LOC400499: variants seen among roughly 807,000 people sequenced by gnomAD.
chr16:11,456,867 T>C, the LOC400499 span: 1 of 1,536,256 alleles, frequency 6.5e-7, no homozygotes, highest in Non-Finnish European at 8.7e-7. Context: ...ACCTTCCCAC[T>C]TCCACAGGGT....
chr16:11,443,298 T>C, the LOC400499 span: 1 of 340,126 alleles, frequency 2.9e-6, no homozygotes, highest in South Asian at 2.1e-5. Flanking sequence ...CACCCTAGCC[T>C]GGGCAACAGA....
At chr16:11,447,059 C>A in the LOC400499 span, 32 of 957,660 alleles carry the variant, frequency 3.3e-5, no homozygotes, top group South Asian at 3.5e-4. Flanking sequence ...GGACACCTGG[C>A]AGCCCTATGC....
chr16:11,421,206 C>T, the LOC400499 span, among the ~76,000 whole-genome samples: 12 of 152,132 alleles, frequency 7.9e-5, no homozygotes, highest in Admixed American at 5.2e-4. Flanking sequence ...ATCCACAGAG[C>T]GCTTCCCTGC....
the LOC400499 span, chr16:11,399,200 G>GC: frequency 1.0e-6 from 1 of 985,048 alleles, no homozygotes. Flanking sequence ...CTCCCGAGAA[G>GC]CCCCCTAGCA....
chr16:11,439,928 A>G, the LOC400499 span, among the ~76,000 whole-genome samples: 1 of 151,972 alleles, frequency 6.6e-6, no homozygotes, highest in African/African-American at 2.4e-5. Context: ...CACCTCATTT[A>G]ATCCTCAGCA....
the LOC400499 span, chr16:11,487,274 G>A: frequency 2.5e-6 from 1 of 398,810 alleles, no homozygotes; most frequent in African/African-American, 2.1e-5. Flanking sequence ...CCAGAAGGTT[G>A]AAGGCACGGC....
chr16:11,400,578 T>C, the LOC400499 span, among the ~76,000 whole-genome samples: 1 of 152,156 alleles, frequency 6.6e-6, no homozygotes, highest in African/African-American at 2.4e-5. Flanking sequence ...GCAGTTGGGA[T>C]TGCAGGCACA....
the LOC400499 span, among the ~76,000 whole-genome samples, chr16:11,517,950 G>C: frequency 6.6e-6 from 1 of 152,174 alleles, no homozygotes; most frequent in Non-Finnish European, 1.5e-5. Flanking sequence ...TACCTTCCAG[G>C]GGGGCAGCGG....
the LOC400499 span, among the ~76,000 whole-genome samples, chr16:11,522,569 T>G: frequency 6.6e-6 from 1 of 152,178 alleles, no homozygotes. Context: ...ATCACCCCAG[T>G]TGAGAAGCAT....
chr16:11,524,047 C>T, the LOC400499 span, among the ~76,000 whole-genome samples: 2 of 77,428 alleles, frequency 2.6e-5, no homozygotes, highest in African/African-American at 1.0e-4. Flanking sequence ...CGCATCCATT[C>T]ACCCACTCCC....
chr16:11,435,625 C>G, the LOC400499 span: 1 of 399,304 alleles, frequency 2.5e-6, no homozygotes, highest in Non-Finnish European at 4.4e-6. Flanking sequence ...CCTCTGTGGT[C>G]TCCCTGCCTC....
chr16:11,374,532 C>G, the LOC400499 span, among the ~76,000 whole-genome samples: 33 of 152,316 alleles, frequency 2.2e-4, no homozygotes, highest in African/African-American at 7.7e-4. Flanking sequence ...CTTTCTGTCT[C>G]TATGAAACTT....
At chr16:11,513,523 C>T in the LOC400499 span, among the ~76,000 whole-genome samples, 885 of 152,174 alleles carry the variant, frequency 5.8e-3, 8 homozygotes, top group African/African-American at 0.02. Context: ...CTCCGCCTCC[C>T]GGGTTCAAAC....
the LOC400499 span, chr16:11,487,485 G>A: frequency 2.5e-6 from 1 of 397,006 alleles, no homozygotes; most frequent in Non-Finnish European, 4.4e-6. Context: ...CCAGATACAT[G>A]GTGTGTCTTC....
the LOC400499 span, among the ~76,000 whole-genome samples, chr16:11,491,479 C>G: frequency 6.6e-6 from 1 of 152,168 alleles, no homozygotes; most frequent in Non-Finnish European, 1.5e-5. Context: ...TCTCCAAAGT[C>G]ATCCAATGGC....
chr16:11,398,348 C>T, the LOC400499 span: 3 of 1,232,274 alleles, frequency 2.4e-6, no homozygotes, highest in Non-Finnish European at 3.0e-6. Flanking sequence ...GCAGACTCAC[C>T]CTGGGCAGGT....
At chr16:11,478,663 C>T in the LOC400499 span, 11 of 399,078 alleles carry the variant, frequency 2.8e-5, no homozygotes, top group Admixed American at 1.3e-4. Context: ...CAGAGCCTGC[C>T]GGGCCCCACG....
chr16:11,427,781 T>A, the LOC400499 span, among the ~76,000 whole-genome samples: 1 of 152,110 alleles, frequency 6.6e-6, no homozygotes. Flanking sequence ...AAATTTTATA[T>A]CAGAGGAACG....
chr16:11,492,553 G>C, the LOC400499 span, among the ~76,000 whole-genome samples: 3 of 152,176 alleles, frequency 2.0e-5, no homozygotes, highest in African/African-American at 7.2e-5. Context: ...GGGAAGCCGA[G>C]CTGGGAGGAT....
Sources: gnomAD v4.1 joint callset for allele counts (sites outside exome capture counted in the v4.1 genomes callset) on GRCh38, gnomAD v4.1.1 for gene constraint, MANE v1.5 for transcripts.